The following PPP2R5E variants were observed in gnomAD, a reference collection of about 807,000 sequenced individuals.
PPP2R5E encodes the protein protein phosphatase 2 regulatory subunit B'epsilon, also known as serine/threonine-protein phosphatase 2A 56 kDa regulatory subunit epsilon isoform.
Under a neutral mutation model 65.3 loss-of-function variants are expected in PPP2R5E, and 4 were observed. The ratio of observed to expected loss-of-function variants is 0.06; its 90% CI spans 0.03 to 0.14. The LOEUF is 0.14. Ranked by LOEUF, PPP2R5E falls within the 10% of genes least tolerant of loss-of-function variation. The pLI is 1.00. For missense variants in PPP2R5E, 274 were observed against 556.1 expected, an observed-to-expected ratio of 0.49 and a Z score of 5.10; for synonymous variants, 183 against 187.4, an observed-to-expected ratio of 0.98 and a Z score of 0.19.
chr14:63,431,098 T>C (rs926458379), intron 3 of PPP2R5E, among the ~76,000 whole-genome samples: 1 of 152,086 alleles, frequency 6.6e-6, no homozygotes, highest in Non-Finnish European at 1.5e-5. Context: ...TGAAACCCCA[T>C]CTGTACTAAA....
rs927501702 is a variant in PPP2R5E at position 63,469,833 on chromosome 14, A to G, written c.158-15948T>C. Among the ~76,000 whole-genome samples, 7 of 152,192 alleles carry G rather than the reference A, an allele frequency of 4.6e-5. 1 individual carries two copies. Among genetic ancestry groups the G allele is most frequent in the Admixed American group, 3.3e-4 (5 of 15,278 alleles). ...TTAAAATCTTACAAAATTCCTGCCT[A>G]ATACATGTTAATATTCCCATTTTAC... On this transcript the variant is annotated intron_variant, in intron 2 of 13. Coordinates refer to ENST00000337537, the MANE Select transcript of PPP2R5E (RefSeq NM_006246.5).
Position 63,372,688 on chromosome 14 carries a change from A to T in PPP2R5E, c.*3321T>A, listed in dbSNP as rs989898389. 2 of 152,200 alleles carry T rather than the reference A, an allele frequency of 1.3e-5. No homozygotes were observed. The highest frequency in any genetic ancestry group is 4.8e-5 in the African/African-American group (2 of 41,454). 9.4% of individuals were successfully genotyped at this position (152,200 alleles called of 1,614,324 possible). A position where few individuals can be genotyped will look rare whatever the true frequency, so the allele number is the denominator to read the frequency against. On this transcript the variant is annotated 3_prime_UTR_variant, in exon 14 of 14. Transcript: ENST00000337537. ...CCCACAAAAAAATAAAAAAGCTTTTAAAGCTCTAAATATACTTTTTTTGTT... is the reference window on the plus strand; with the variant it reads ...CCCACAAAAAAATAAAAAAGCTTTTTAAGCTCTAAATATACTTTTTTTGTT...
chr14:63,377,143 C>T (rs1231349672), intron 13 of PPP2R5E, among the ~76,000 whole-genome samples: 7 of 149,272 alleles, frequency 4.7e-5, no homozygotes, highest in Non-Finnish European at 7.4e-5. Flanking sequence ...AGCAAGACTC[C>T]GTCTCCAAAA....
intron 5 of PPP2R5E, among the ~76,000 whole-genome samples, chr14:63,403,710 T>C (rs886850532): frequency 6.6e-6 from 1 of 150,994 alleles, no homozygotes; most frequent in Non-Finnish European, 1.5e-5. Context: ...ATGGTTACTC[T>C]CAGAGAATTA....
At chr14:63,392,230 G>A (rs558486376) in intron 8 of PPP2R5E, among the ~76,000 whole-genome samples, 46 of 152,036 alleles carry the variant, frequency 3.0e-4, no homozygotes, top group Non-Finnish European at 5.7e-4. Context: ...AAGGCTCCAG[G>A]GAACTTTTCT....
intron 3 of PPP2R5E, among the ~76,000 whole-genome samples, chr14:63,448,224 G>C (rs1187207536): frequency 6.6e-6 from 1 of 152,038 alleles, no homozygotes. Flanking sequence ...GTGAACCCCG[G>C]AGGCAGAGCT....
At chr14:63,533,616 G>A (rs1291557692) in intron 2 of PPP2R5E, among the ~76,000 whole-genome samples, 1 of 151,210 alleles carries the variant, frequency 6.6e-6, no homozygotes, top group Non-Finnish European at 1.5e-5. Flanking sequence ...TCTGCAAAAT[G>A]CCTCGGAAAT....
rs1291026262 is a variant in PPP2R5E at position 63,374,825 on chromosome 14, T to C, written c.*1184A>G. On this transcript the variant is annotated 3_prime_UTR_variant, in exon 14 of 14. Coordinates refer to ENST00000337537, the MANE Select transcript of PPP2R5E (RefSeq NM_006246.5). ...TTCAGTAGCATTTGTAGAACCACTT[T>C]TGGTAACAAATACAGTAGTTAGGAA... 1 of 152,182 alleles carries C rather than the reference T, an allele frequency of 6.6e-6. No homozygotes were observed. The highest frequency in any genetic ancestry group is 2.4e-5 in the African/African-American group (1 of 41,256). The allele number at this position is 152,182 out of a possible 1,614,324, so 9.4% of individuals were successfully genotyped here.
chr14:63,515,228 T>C (rs780081600), intron 2 of PPP2R5E, among the ~76,000 whole-genome samples: 1 of 152,200 alleles, frequency 6.6e-6, no homozygotes, highest in Non-Finnish European at 1.5e-5. Flanking sequence ...CAAGCTTCAA[T>C]AAAGTTGAAG....
At chr14:63,526,367 ATC>A (rs1256584524) in intron 2 of PPP2R5E, among the ~76,000 whole-genome samples, 2 of 152,164 alleles carry the variant, frequency 1.3e-5, no homozygotes, top group African/African-American at 2.4e-5. Context: ...CTTTTTAAAC[ATC>A]TCTATGTTTG....
chr14:63,387,066 A>G (rs1884718250), intron 11 of PPP2R5E, among the ~76,000 whole-genome samples: 1 of 152,178 alleles, frequency 6.6e-6, no homozygotes, highest in Non-Finnish European at 1.5e-5. Flanking sequence ...TGTGTTTGGG[A>G]ATCATCAAAG....
chr14:63,416,525 G>A (rs1886694186), intron 4 of PPP2R5E, among the ~76,000 whole-genome samples: 1 of 151,910 alleles, frequency 6.6e-6, no homozygotes, highest in African/African-American at 2.4e-5. Context: ...AATAACATTT[G>A]CTAACTTTTT....
chr14:63,526,681 A>G (rs1594973452), intron 2 of PPP2R5E, among the ~76,000 whole-genome samples: 2 of 152,182 alleles, frequency 1.3e-5, no homozygotes, highest in South Asian at 4.1e-4. Flanking sequence ...CTTGGCCTGC[A>G]GAGTAGCTGG....
intron 5 of PPP2R5E, among the ~76,000 whole-genome samples, chr14:63,402,886 T>C (rs1216227619): frequency 6.6e-6 from 1 of 152,066 alleles, no homozygotes; most frequent in East Asian, 1.9e-4. Context: ...TCAATATAGA[T>C]ATGGTCCATT....
At chr14:63,502,710 C>A (rs898081532) in intron 2 of PPP2R5E, among the ~76,000 whole-genome samples, 12 of 152,020 alleles carry the variant, frequency 7.9e-5, no homozygotes, top group African/African-American at 2.9e-4. Flanking sequence ...CCACAATACC[C>A]AAATGCCATC....
At chr14:63,512,057 C>T (rs539707478) in intron 2 of PPP2R5E, among the ~76,000 whole-genome samples, 8 of 123,166 alleles carry the variant, frequency 6.5e-5, no homozygotes, top group African/African-American at 1.9e-4. Flanking sequence ...CCAGCCTGGA[C>T]GACAGAGCGA....
At chr14:63,482,813 T>C (rs1890780733) in intron 2 of PPP2R5E, among the ~76,000 whole-genome samples, 1 of 152,194 alleles carries the variant, frequency 6.6e-6, no homozygotes, top group South Asian at 2.1e-4. Flanking sequence ...ATCAGTTTAA[T>C]TTACCCAAGG....
At chr14:63,483,609 C>A (rs1032191445) in intron 2 of PPP2R5E, among the ~76,000 whole-genome samples, 1 of 152,038 alleles carries the variant, frequency 6.6e-6, no homozygotes, top group Non-Finnish European at 1.5e-5. Context: ...GGTTCAGATC[C>A]GAGAGCTTCC....
intron 2 of PPP2R5E, among the ~76,000 whole-genome samples, chr14:63,513,184 A>G (rs1326555966): frequency 6.6e-6 from 1 of 152,202 alleles, no homozygotes; most frequent in Non-Finnish European, 1.5e-5. Flanking sequence ...GGAAGAAAGA[A>G]AATTCCTGAA....
Sources: gnomAD v4.1 joint callset for allele counts (sites outside exome capture counted in the v4.1 genomes callset) on GRCh38, gnomAD v4.1.1 for gene constraint, MANE v1.5 for transcripts, NCBI Gene and HGNC (gene_info 2026-07-23, HGNC 2026-07-21) for gene names.